The following QKI variants were observed in gnomAD, a reference collection of about 807,000 sequenced individuals.
QKI encodes QKI, KH domain containing RNA binding.
A neutral mutation model predicts 39.0 loss-of-function variants in QKI; 10 were observed. The observed-to-expected ratio is 0.26, with a 90% CI of 0.16 to 0.43. The LOEUF (loss-of-function observed/expected upper bound fraction) is 0.43, where lower values mean the gene tolerates loss of function less well. QKI is among the 20% of genes least tolerant of loss of function. QKI has a pLI of 1.00. For missense variants in QKI, 218 were observed against 428.0 expected, an observed-to-expected ratio of 0.51 and a Z score of 4.33; for synonymous variants, 204 against 155.4, an observed-to-expected ratio of 1.31 and a Z score of -2.33.
chr6:163,447,417 A>G (rs1425991223), intron 1 of QKI, among the ~76,000 whole-genome samples: 1 of 151,772 alleles, frequency 6.6e-6, no homozygotes, highest in Non-Finnish European at 1.5e-5. Context: ...AACTGTAGTC[A>G]CTCTAATCTG....
intron 2 of QKI, among the ~76,000 whole-genome samples, chr6:163,455,802 T>G (rs775241765): frequency 1.2e-4 from 19 of 152,198 alleles, no homozygotes; most frequent in Non-Finnish European, 2.4e-4. Flanking sequence ...GGACCATAAG[T>G]TTCCTTTCAG....
chr6:163,428,791 C>A (rs889934854), intron 1 of QKI, among the ~76,000 whole-genome samples: 1 of 150,620 alleles, frequency 6.6e-6, no homozygotes, highest in African/African-American at 2.4e-5. Flanking sequence ...AATACTCTTG[C>A]CTTCAGTGAC....
rs969609650 is a variant in QKI at position 163,455,371 on chromosome 6, A to G, written c.235A>G (p.Ile79Val). The stretch of plus-strand genomic sequence containing the variant: ...AGAATTGCCTGATGCTGTGGGACCT[A>G]TTGTTCAGTTACAAGAGAAACTTTA... ...SAELPDAVGP[I>V]VQLQEKLYVP... The change falls in exon 2 of 8, where the codon ATT (isoleucine) becomes GTT (valine). Residue 79 changes from isoleucine (I) to valine (V), a missense_variant. Ile to Val is a conservative substitution (Grantham distance 29). Around this residue, in one of 3 missense-constraint regions of QKI, gnomAD observed 61 missense variants for 193.3 expected, o/e 0.32. Coordinates refer to ENST00000361752, the MANE Select transcript of QKI (RefSeq NM_006775.3). The G allele has an allele frequency of 2.5e-6, 4 of 1,612,940 alleles. No homozygotes were observed. Among genetic ancestry groups the G allele is most frequent in the South Asian group, 1.1e-5 (1 of 91,054 alleles).
chr6:163,524,407 AG>A (rs1780344954), intron 3 of QKI, among the ~76,000 whole-genome samples: 1 of 151,304 alleles, frequency 6.6e-6, no homozygotes, highest in African/African-American at 2.5e-5. Context: ...TATAACCGCT[AG>A]TCATGTCATT....
At position 163,574,494 on chromosome 6, in the gene QKI, C is replaced by G. The variant is rs987359058; in HGVS notation, c.*3784C>G. 2.1e-4 allele frequency: 32 copies of G among 152,132 alleles called. No homozygotes were observed. The highest frequency in any genetic ancestry group is 4.1e-4 in the Non-Finnish European group (28 of 68,020). 9.4% of individuals were successfully genotyped at this position (152,132 alleles called of 1,614,324 possible). Reference sequence around the variant, plus strand: ...AACCCTCAGCACGTTACTGAGCTTTCCTCAGGTATTTTTTTCTCTGTCACC... The same window carrying G: ...AACCCTCAGCACGTTACTGAGCTTTGCTCAGGTATTTTTTTCTCTGTCACC... On this transcript the variant is annotated 3_prime_UTR_variant, in exon 8 of 8. Transcript: ENST00000361752.
intron 4 of QKI, among the ~76,000 whole-genome samples, chr6:163,552,673 T>C (rs1782316261): frequency 6.6e-6 from 1 of 152,162 alleles, no homozygotes; most frequent in African/African-American, 2.4e-5. Context: ...AGCGGCGTAC[T>C]CATATATGTT....
intron 3 of QKI, among the ~76,000 whole-genome samples, chr6:163,492,956 A>G (rs1424640054): frequency 6.6e-6 from 1 of 152,158 alleles, no homozygotes; most frequent in Non-Finnish European, 1.5e-5. Context: ...TTTCTTAATT[A>G]TGAAAGCCTT....
intron 3 of QKI, among the ~76,000 whole-genome samples, chr6:163,520,227 A>G (rs977142924): frequency 7.2e-5 from 11 of 152,166 alleles, no homozygotes; most frequent in Admixed American, 7.2e-4. Flanking sequence ...TTTCTCTGAG[A>G]GATTACTGTT....
intron 6 of QKI, chr6:163,564,959 C>G: frequency 6.9e-6 from 9 of 1,305,716 alleles, no homozygotes; most frequent in Non-Finnish European, 8.8e-6. Flanking sequence ...CTGGAGAACA[C>G]TAAGATTTAA....
intron 1 of QKI, among the ~76,000 whole-genome samples, chr6:163,444,300 C>T (rs1035074873): frequency 6.6e-6 from 1 of 152,122 alleles, no homozygotes; most frequent in African/African-American, 2.4e-5. Flanking sequence ...GTGCTCATTT[C>T]GCAGATGAAG....
intron 1 of QKI, among the ~76,000 whole-genome samples, chr6:163,436,888 A>G (rs1789340409): frequency 6.6e-6 from 1 of 151,582 alleles, no homozygotes; most frequent in African/African-American, 2.4e-5. Context: ...CATTGAAAGT[A>G]GTTCCATCTA....
At chr6:163,445,060 A>G (rs913022958) in intron 1 of QKI, among the ~76,000 whole-genome samples, 1 of 151,986 alleles carries the variant, frequency 6.6e-6, no homozygotes, top group African/African-American at 2.4e-5. Context: ...GCACACCACC[A>G]CACCTGGCTA....
Position 163,417,632 on chromosome 6 carries a change from A to G in QKI, c.142+2297A>G, listed in dbSNP as rs538854300. 7.9e-4 allele frequency among the ~76,000 whole-genome samples: 121 copies of G among 152,262 alleles called. 1 individual carries two copies. Among genetic ancestry groups the G allele is most frequent in the Admixed American group, 3.6e-3 (55 of 15,294 alleles). On this transcript the variant is annotated intron_variant, in intron 1 of 7. Coordinates refer to ENST00000361752, the MANE Select transcript of QKI (RefSeq NM_006775.3). ...AAAGGCTTATTTCTCTCTGGTTGGA[A>G]ATAGTACTCGTTTGCGTTTTAAATG...
At chr6:163,524,561 G>A (rs1265609421) in intron 3 of QKI, among the ~76,000 whole-genome samples, 3 of 151,704 alleles carry the variant, frequency 2.0e-5, no homozygotes, top group African/African-American at 4.8e-5. Context: ...CTCCACCTCC[G>A]AGGTTCAAGC....
In QKI at chr6:163,561,891, T is replaced by G. The variant is rs868707149; in HGVS notation, c.547-91T>G. On this transcript the variant is annotated intron_variant, in intron 4 of 7. Coordinates refer to ENST00000361752, the MANE Select transcript of QKI (RefSeq NM_006775.3). ...ATTAAAACAGGTGACTGTAGTCACA[T>G]GATACTTACTTTAAGGCTTGTGTGT... The G allele has an allele frequency of 1.1e-4, 108 of 953,786 alleles. 2 individuals carry two copies. The Middle Eastern group carries it at 1.4e-3, about 12-fold the overall frequency. The allele number at this position is 953,786 out of a possible 1,614,324, so 59.1% of individuals were successfully genotyped here.
rs184680846 is a variant in QKI, at chr6:163,464,127, C to G, written c.285+8706C>G. ...ATGGTATGCAGTGATCTGCCTGATT[C>G]TTGCAGGTCATTCTCTGAAGTCAGG... is the stretch of plus-strand genomic sequence containing the variant. On this transcript the variant is annotated intron_variant, in intron 2 of 7. Coordinates refer to ENST00000361752, the MANE Select transcript of QKI (RefSeq NM_006775.3). Among the ~76,000 whole-genome samples the G allele has an allele frequency of 2.5e-3, 383 of 152,238 alleles. 3 individuals are homozygous for G. Among genetic ancestry groups the G allele is most frequent in the African/African-American group, 8.8e-3 (367 of 41,540 alleles).
At chr6:163,515,848 G>A (rs1382626785) in intron 3 of QKI, among the ~76,000 whole-genome samples, 1 of 152,096 alleles carries the variant, frequency 6.6e-6, no homozygotes, top group African/African-American at 2.4e-5. Context: ...TACAAAATAA[G>A]TCCAGCAATT....
At chr6:163,526,532 C>T (rs1359947494) in intron 3 of QKI, among the ~76,000 whole-genome samples, 3 of 152,170 alleles carry the variant, frequency 2.0e-5, no homozygotes, top group Non-Finnish European at 4.4e-5. Flanking sequence ...GAGCTCAGCC[C>T]AAAGTTTCCA....
chr6:163,563,410 C>T lies in QKI; in HGVS notation c.635-10C>T. ...CTATACTTCTTTCTAAATTTCTTTG[C>T]TTACTGTAGCAGCCCTTGCCTTTTC... On this transcript the variant is annotated splice_polypyrimidine_tract_variant and intron_variant, in intron 5 of 7. Coordinates refer to ENST00000361752, the MANE Select transcript of QKI (RefSeq NM_006775.3). The T allele has an allele frequency of 6.3e-7, 1 of 1,577,518 alleles. No homozygotes were observed. Among genetic ancestry groups the T allele is most frequent in the Non-Finnish European group, 8.6e-7 (1 of 1,161,668 alleles).
Sources: gnomAD v4.1 joint callset for allele counts (sites outside exome capture counted in the v4.1 genomes callset) on GRCh38, gnomAD v4.1.1 for gene constraint, gnomAD v4.1.1 regional missense constraint, MANE v1.5 for transcripts, NCBI Gene and HGNC (gene_info 2026-07-23, HGNC 2026-07-21) for gene names.